FHIP1A: variants seen among roughly 807,000 people sequenced by gnomAD.
The protein encoded by FHIP1A is FHF complex subunit HOOK-interacting protein 1A.
FHIP1A carries 61 observed loss-of-function variants against 88.6 expected under a neutral mutation model. The ratio of observed to expected loss-of-function variants is 0.69; its 90% CI spans 0.56 to 0.85. The LOEUF (loss-of-function observed/expected upper bound fraction) is 0.85, where lower values mean the gene tolerates loss of function less well. Among genes scored for constraint, FHIP1A ranks in the 40% least tolerant of loss-of-function variants. FHIP1A has a pLI of 0.00. For synonymous variants in FHIP1A, 478 were observed against 496.0 expected, an observed-to-expected ratio of 0.96 and a Z score of 0.48; for missense variants, 1,154 against 1,273.5, an observed-to-expected ratio of 0.91 and a Z score of 1.43.
chr4:151,563,633 GTTCTTC>G (rs1454194264), intron 3 of FHIP1A, among the ~76,000 whole-genome samples: 1 of 152,142 alleles, frequency 6.6e-6, no homozygotes, highest in African/African-American at 2.4e-5. Flanking sequence ...TCTGTCCTCT[GTTCTTC>G]TCTTGGGAGT....
At chr4:151,555,501 A>T (rs1434963396) in intron 3 of FHIP1A, among the ~76,000 whole-genome samples, 1 of 152,144 alleles carries the variant, frequency 6.6e-6, no homozygotes, top group Non-Finnish European at 1.5e-5. Flanking sequence ...ATTTCATTGA[A>T]TTCTGTACTT....
At chr4:151,588,760 G>A (rs915267206) in intron 6 of FHIP1A, 80 bp from the exon 7 acceptor site, 2 of 913,072 alleles carry the variant, frequency 2.2e-6, no homozygotes, top group South Asian at 1.4e-5. Flanking sequence ...TTGAGTTCAG[G>A]ATGTACACAG....
chr4:151,611,669 T>G (rs2126847926), intron 7 of FHIP1A, among the ~76,000 whole-genome samples: 1 of 152,334 alleles, frequency 6.6e-6, no homozygotes, highest in East Asian at 1.9e-4. Flanking sequence ...AGTTTTTTTC[T>G]TTGAAGATAG....
intron 3 of FHIP1A, among the ~76,000 whole-genome samples, chr4:151,516,604 AG>A (rs1265342554): frequency 3.3e-5 from 5 of 152,226 alleles, no homozygotes; most frequent in Admixed American, 1.3e-4. Context: ...CAAATTTACA[AG>A]AAAAAAACAA....
At chr4:151,454,479 G>A (rs1438613302) in intron 1 of FHIP1A, among the ~76,000 whole-genome samples, 1 of 152,112 alleles carries the variant, frequency 6.6e-6, no homozygotes, top group Non-Finnish European at 1.5e-5. Context: ...TAGTAAGTTT[G>A]TTACCTTTTT....
At chr4:151,526,461 A>AC (rs1731646633) in intron 3 of FHIP1A, among the ~76,000 whole-genome samples, 1 of 135,024 alleles carries the variant, frequency 7.4e-6, no homozygotes, top group African/African-American at 3.0e-5. Flanking sequence ...TCCCTCCCGG[A>AC]TGAGGCGGCT....
intron 3 of FHIP1A, among the ~76,000 whole-genome samples, chr4:151,542,999 T>C (rs921872741): frequency 6.6e-6 from 1 of 152,248 alleles, no homozygotes; most frequent in Non-Finnish European, 1.5e-5. Context: ...TGTTATTATG[T>C]TGCCTAAAAT....
At position 151,655,722 on chromosome 4, in the gene FHIP1A, G is replaced by GT. The variant is rs747305149; in HGVS notation, c.2552-509dup. ...TCAGGATAGGCAACCCCTGTTGACA[G>GT]TGTTGCTATTTGATAAACATAGTTT... On this transcript the variant is annotated intron_variant, in intron 11 of 13. Coordinates refer to ENST00000435205, the MANE Select transcript of FHIP1A (RefSeq NM_001109977.3). 6.6e-5 allele frequency among the ~76,000 whole-genome samples: 10 copies of GT among 152,270 alleles called. 1 individual carries two copies. The highest frequency in any genetic ancestry group is 2.4e-4 in the African/African-American group (10 of 41,558).
At chr4:151,547,020 A>G (rs777053756) in intron 3 of FHIP1A, among the ~76,000 whole-genome samples, 1 of 152,068 alleles carries the variant, frequency 6.6e-6, no homozygotes, top group Non-Finnish European at 1.5e-5. Context: ...TGAAAACTGC[A>G]TGGCAGTTTT....
chr4:151,660,597 G>A (rs1197818031), intron 13 of FHIP1A, among the ~76,000 whole-genome samples: 1 of 152,192 alleles, frequency 6.6e-6, no homozygotes, highest in Non-Finnish European at 1.5e-5. Context: ...TATCAGATAG[G>A]GCTCAGCCCT....
intron 2 of FHIP1A, among the ~76,000 whole-genome samples, chr4:151,459,006 C>T (rs1729059879): frequency 6.6e-6 from 1 of 152,102 alleles, no homozygotes; most frequent in African/African-American, 2.4e-5. Context: ...ACTTGTTATA[C>T]CTTGTAGTTC....
rs552630847 is a variant in FHIP1A at position 151,546,286 on chromosome 4, G to A, written c.-122-19852G>A. Among the ~76,000 whole-genome samples, 223 of 152,242 alleles carry A rather than the reference G, an allele frequency of 1.5e-3. No homozygotes were observed. The Middle Eastern group carries it at 0.017, about 12-fold the overall frequency. ...CACTACCTCACTCTCAGGTTCTCAG[G>A]CCTTTGGCCTTAGACTAAGAATTAT... On this transcript the variant is annotated intron_variant, in intron 3 of 13. Coordinates refer to ENST00000435205, the MANE Select transcript of FHIP1A (RefSeq NM_001109977.3).
chr4:151,650,640 T>A, intron 11 of FHIP1A, 48 bp downstream of exon 11: 1 of 1,499,148 alleles, frequency 6.7e-7, no homozygotes, highest in Non-Finnish European at 8.9e-7. Context: ...AAAGTACTTG[T>A]ATATATTGGA....
chr4:151,524,775 G>A (rs1731572273), intron 3 of FHIP1A, among the ~76,000 whole-genome samples: 1 of 152,218 alleles, frequency 6.6e-6, no homozygotes, highest in Non-Finnish European at 1.5e-5. Context: ...ACACTTGAGG[G>A]AAGATGCAAG....
chr4:151,541,779 G>A (rs964807333), intron 3 of FHIP1A, among the ~76,000 whole-genome samples: 3 of 152,232 alleles, frequency 2.0e-5, no homozygotes, highest in Non-Finnish European at 1.5e-5. Context: ...GTAGCCATTA[G>A]TGGGTTCTTT....
At chr4:151,579,851 C>T (rs534962378) in intron 5 of FHIP1A, among the ~76,000 whole-genome samples, 2 of 152,186 alleles carry the variant, frequency 1.3e-5, no homozygotes, top group African/African-American at 4.8e-5. Context: ...CTGCACACCA[C>T]CTAGATTCAA....
rs1004039682 is a variant in FHIP1A, at chr4:151,542,401, C to T, written c.-122-23737C>T. Reference sequence around the variant, plus strand: ...TCCCAGTATTAAGTATTTGTAAGCTCTCTTAATTTTCCCTTCAAAGTTGTT... The same window carrying T: ...TCCCAGTATTAAGTATTTGTAAGCTTTCTTAATTTTCCCTTCAAAGTTGTT... On this transcript the variant is annotated intron_variant, in intron 3 of 13. Transcript: ENST00000435205. Among the ~76,000 whole-genome samples the T allele has an allele frequency of 3.9e-5, 6 of 152,230 alleles. No individual in the cohort carries two copies. In the South Asian group the frequency reaches 1.2e-3, roughly 32 times the overall value.
intron 2 of FHIP1A, among the ~76,000 whole-genome samples, chr4:151,464,350 C>T (rs2126605094): frequency 6.6e-6 from 1 of 152,244 alleles, no homozygotes; most frequent in Admixed American, 6.5e-5. Flanking sequence ...TAATTTATCC[C>T]AATATGTAAG....
At chr4:151,499,285 GTCTGT>G (rs1404338881) in intron 3 of FHIP1A, among the ~76,000 whole-genome samples, 3 of 152,156 alleles carry the variant, frequency 2.0e-5, no homozygotes, top group Non-Finnish European at 4.4e-5. Flanking sequence ...GAGCTCTGAA[GTCTGT>G]TCTGTCTATG....
Sources: allele counts gnomAD v4.1 joint callset (sites outside exome capture counted in the v4.1 genomes callset), GRCh38; gene constraint gnomAD v4.1.1; transcripts MANE v1.5; gene names NCBI Gene and HGNC (gene_info 2026-07-23, HGNC 2026-07-21).